Variants in PTPN14 observed in about 807,000 individuals in gnomAD.
The protein encoded by PTPN14 is tyrosine-protein phosphatase non-receptor type 14.
PTPN14 carries 53 observed loss-of-function variants against 126.8 expected under a neutral mutation model. The observed-to-expected ratio is 0.42, with a 90% CI of 0.34 to 0.53. The LOEUF (loss-of-function observed/expected upper bound fraction) is 0.53. PTPN14 is among the 20% of genes least tolerant of loss of function. PTPN14 has a pLI of 0.08. For missense variants in PTPN14, 1,257 were observed against 1,552.9 expected (o/e 0.81, Z 3.20); for synonymous variants, 630 against 599.3 (o/e 1.05, Z -0.75).
intron 1 of PTPN14, among the ~76,000 whole-genome samples, chr1:214,541,149 C>T (rs1015577660): frequency 2.0e-5 from 3 of 151,306 alleles, no homozygotes; most frequent in African/African-American, 7.3e-5. Context: ...TATTATTATC[C>T]CTAATAATAA....
intron 11 of PTPN14, among the ~76,000 whole-genome samples, chr1:214,388,334 C>G (rs1281083965): frequency 6.6e-6 from 1 of 151,732 alleles, no homozygotes; most frequent in Non-Finnish European, 1.5e-5. Flanking sequence ...TTTTGATTTG[C>G]GGGGGAAAAA....
intron 1 of PTPN14, among the ~76,000 whole-genome samples, chr1:214,521,064 T>C (rs539152176): frequency 3.3e-5 from 5 of 152,272 alleles, no homozygotes; most frequent in African/African-American, 9.6e-5. Flanking sequence ...TTTTCCTAAG[T>C]AGAAAATGAA....
intron 1 of PTPN14, among the ~76,000 whole-genome samples, chr1:214,472,995 G>A (rs952298491): frequency 1.3e-5 from 2 of 152,154 alleles, no homozygotes; most frequent in South Asian, 4.1e-4. Flanking sequence ...TATAGAATAG[G>A]CTACATTGCA....
intron 1 of PTPN14, among the ~76,000 whole-genome samples, chr1:214,484,549 G>A (rs1412253295): frequency 1.3e-5 from 2 of 152,140 alleles, no homozygotes; most frequent in Admixed American, 6.5e-5. Flanking sequence ...AGATACAGAT[G>A]CAAAGAGTTC....
intron 1 of PTPN14, among the ~76,000 whole-genome samples, chr1:214,509,064 T>C (rs1025999475): frequency 4.6e-5 from 7 of 152,200 alleles, no homozygotes; most frequent in South Asian, 2.1e-4. Context: ...ACTCTAGGAT[T>C]TGGGGAATGA....
chr1:214,518,896 G>A lies in PTPN14; in HGVS notation c.-155+32287C>T, dbSNP rs148829071. Among the ~76,000 whole-genome samples the A allele has an allele frequency of 2.8e-3, 432 of 152,320 alleles. 4 individuals carry two copies. The highest frequency in any genetic ancestry group is 6.8e-3 in the Middle Eastern group (2 of 294). On this transcript the variant is annotated intron_variant, in intron 1 of 18. Coordinates refer to ENST00000366956, the MANE Select transcript of PTPN14 (RefSeq NM_005401.5). ...AATGTCCTAAGAATATCTGCCTTGT[G>A]TTCTGTTTTATATTTTAGGTATGTT...
chr1:214,485,076 G>T (rs758052016), intron 1 of PTPN14, among the ~76,000 whole-genome samples: 1 of 152,108 alleles, frequency 6.6e-6, no homozygotes, highest in East Asian at 1.9e-4. Context: ...TATTCATATC[G>T]AATAGAAAGC....
intron 1 of PTPN14, among the ~76,000 whole-genome samples, chr1:214,502,294 A>C (rs1174971092): frequency 6.6e-6 from 1 of 152,042 alleles, no homozygotes; most frequent in Non-Finnish European, 1.5e-5. Context: ...TTTTACCATG[A>C]TAATTAAGAG....
Position 214,352,489 on chromosome 1 carries a change from G to A in PTPN14, c.*5433C>T, listed in dbSNP as rs1452735909. 6.6e-6 allele frequency: 1 copy of A among 152,236 alleles called. No individual in the cohort carries two copies. The highest frequency in any genetic ancestry group is 2.1e-4 in the South Asian group (1 of 4,834). The allele number at this position is 152,236 out of a possible 1,614,324, so 9.4% of individuals were successfully genotyped here. ...TCTGGACAACACATTTGAGGTGGCA[G>A]AATTTGATGAGATTTCCCCCACATT... On this transcript the variant is annotated 3_prime_UTR_variant, in exon 19 of 19. Coordinates refer to ENST00000366956, the MANE Select transcript of PTPN14 (RefSeq NM_005401.5).
rs1290548094 is a variant in PTPN14, at chr1:214,358,025, C to T, written c.3461G>A (p.Arg1154Lys). Residue 1154 changes from arginine (R) to lysine (K), a missense_variant, in exon 19 of 19, where the codon AGG (arginine) becomes AAG (lysine). Transcript: ENST00000366956. The part of the protein sequence containing the change: ...NEKVEVPMML[R>K]LLREQRMFMI... ...GAACATCCTCTGCTCCCTGAGGAGC[C>T]TCAGCATCATGGGCACTTCCACCTT... The T allele has an allele frequency of 6.2e-7, 1 of 1,613,604 alleles. No individual in the cohort carries two copies. Among genetic ancestry groups the T allele is most frequent in the Non-Finnish European group, 8.5e-7 (1 of 1,179,916 alleles).
chr1:214,369,862 T>C (rs1658173604), intron 16 of PTPN14, among the ~76,000 whole-genome samples, 171 bp from the exon 17 acceptor site: 1 of 152,168 alleles, frequency 6.6e-6, no homozygotes, highest in African/African-American at 2.4e-5. Flanking sequence ...TTAAGACCAA[T>C]AACACAATTT....
intron 18 of PTPN14, among the ~76,000 whole-genome samples, chr1:214,362,065 C>T (rs1657968899): frequency 1.5e-5 from 1 of 67,308 alleles, no homozygotes; most frequent in Admixed American, 1.2e-4. Context: ...GGAGTTTGGA[C>T]AGGAGAAAAA....
At chr1:214,449,221 T>C (rs1332871194) in intron 3 of PTPN14, among the ~76,000 whole-genome samples, 2 of 151,856 alleles carry the variant, frequency 1.3e-5, no homozygotes, top group Non-Finnish European at 2.9e-5. Context: ...TTAGCCAGGA[T>C]GGTCTCGATC....
At chr1:214,394,064 T>C (rs138015538) in intron 9 of PTPN14, among the ~76,000 whole-genome samples, 1 of 152,208 alleles carries the variant, frequency 6.6e-6, no homozygotes, top group African/African-American at 2.4e-5. Context: ...TCCGACCAAG[T>C]GCTTTCAAAA....
chr1:214,493,104 G>A (rs1416174710), intron 1 of PTPN14, among the ~76,000 whole-genome samples: 4 of 152,148 alleles, frequency 2.6e-5, no homozygotes, highest in Non-Finnish European at 5.9e-5. Context: ...AGCAAGACAT[G>A]TTCGGAGGTC....
At chr1:214,462,211 T>C (rs1198368385) in intron 2 of PTPN14, among the ~76,000 whole-genome samples, 3 of 152,092 alleles carry the variant, frequency 2.0e-5, no homozygotes, top group Non-Finnish European at 4.4e-5. Context: ...ACCTCAGCAA[T>C]GGAATGTCAA....
intron 3 of PTPN14, among the ~76,000 whole-genome samples, chr1:214,423,939 C>T (rs34415256): frequency 0.049 from 7,448 of 152,082 alleles, 229 homozygotes; most frequent in South Asian, 0.11. Context: ...AGAGTTCGCG[C>T]CACTGCACTC....
chr1:214,425,039 C>T (rs1041634474), intron 3 of PTPN14, among the ~76,000 whole-genome samples: 3 of 152,038 alleles, frequency 2.0e-5, no homozygotes, highest in African/African-American at 7.2e-5. Flanking sequence ...TCAAGTGATC[C>T]ACCTGCCTCG....
Position 214,490,735 on chromosome 1 carries a change from G to A in PTPN14, c.-154-25778C>T, listed in dbSNP as rs544815088. ...GCCTGTAATCCCAGCTACTTCGGAG[G>A]CTACAGCAGAAGAATCACTTGAACC... On this transcript the variant is annotated intron_variant, in intron 1 of 18. Transcript: ENST00000366956. Among the ~76,000 whole-genome samples the A allele has an allele frequency of 2.0e-5, 3 of 150,500 alleles. No homozygotes were observed. The East Asian group carries it at 5.9e-4, about 30-fold the overall frequency.
Sources: gnomAD v4.1 joint callset for allele counts (sites outside exome capture counted in the v4.1 genomes callset) on GRCh38, gnomAD v4.1.1 for gene constraint, MANE v1.5 for transcripts, NCBI Gene and HGNC (gene_info 2026-07-23, HGNC 2026-07-21) for gene names.